Variants in TRERF1 observed in about 807,000 individuals in gnomAD.
The protein encoded by TRERF1 is transcriptional-regulating factor 1.
A neutral mutation model predicts 122.9 loss-of-function variants in TRERF1; 27 were observed. That is an observed-to-expected ratio of 0.22 (90% CI 0.16 to 0.30). TRERF1 has a LOEUF of 0.30. Ranked by LOEUF, TRERF1 falls within the 10% of genes least tolerant of loss-of-function variation. TRERF1 has a pLI of 1.00. For synonymous variants in TRERF1, 636 were observed against 641.7 expected, an observed-to-expected ratio of 0.99 and a Z score of 0.13; for missense variants, 1,248 against 1,560.3, an observed-to-expected ratio of 0.80 and a Z score of 3.37.
Position 42,259,445 on chromosome 6 carries a change from C to G in TRERF1, c.2163G>C (p.Ser721=). The stretch of plus-strand genomic sequence containing the variant: ...AGATGAGGACATTGCTGAAGAGCCC[C>G]GAGCCCTGGCGCACCGGGCTCAGCA... Residue 721 remains serine, a synonymous_variant, in exon 9 of 18, where the codon TCG becomes TCC. Transcript: ENST00000372922. The surrounding 1 kb of genome is among the most constrained non-coding windows in gnomAD (Gnocchi z 4.9). 6.3e-7 allele frequency: 1 copy of G among 1,599,312 alleles called. No individual in the cohort carries two copies. The highest frequency in any genetic ancestry group is 8.5e-7 in the Non-Finnish European group (1 of 1,176,570).
chr6:42,353,978 T>C (rs1190862798), intron 3 of TRERF1, among the ~76,000 whole-genome samples: 1 of 152,268 alleles, frequency 6.6e-6, no homozygotes, highest in Non-Finnish European at 1.5e-5. Context: ...AATTTTTTTA[T>C]GTTTGATTGT....
Position 42,251,045 on chromosome 6 carries a change from G to T in TRERF1, c.2656+3806C>A, listed in dbSNP as rs566300083. Reference sequence around the variant, plus strand: ...AGGGTCTCACTCTGTCGCCCAGGTTGGAGTGCAGTGGCGTGATCTCAGCTC... The same window carrying T: ...AGGGTCTCACTCTGTCGCCCAGGTTTGAGTGCAGTGGCGTGATCTCAGCTC... On this transcript the variant is annotated intron_variant, in intron 13 of 17. Coordinates refer to ENST00000372922, the Ensembl canonical transcript of TRERF1. Among the ~76,000 whole-genome samples, 4 of 126,484 alleles carry T rather than the reference G, an allele frequency of 3.2e-5. No homozygotes were observed. In the East Asian group the frequency reaches 9.5e-4, roughly 30 times the overall value. The allele number at this position is 126,484 out of a possible 152,430, so 83.0% of individuals were successfully genotyped here. A position where few individuals can be genotyped will look rare whatever the true frequency, so the allele number is the denominator to read the frequency against.
At chr6:42,249,894 T>G (rs1017173429) in intron 13 of TRERF1, among the ~76,000 whole-genome samples, 3 of 152,224 alleles carry the variant, frequency 2.0e-5, no homozygotes, top group Non-Finnish European at 4.4e-5. Flanking sequence ...GGTGGCTTCC[T>G]GATCACAAGA....
intron 3 of TRERF1, among the ~76,000 whole-genome samples, chr6:42,337,598 A>T (rs903181590): frequency 6.6e-6 from 1 of 152,176 alleles, no homozygotes; most frequent in Non-Finnish European, 1.5e-5. Flanking sequence ...GTGAGAGCTC[A>T]GTGGAGGGGA....
chr6:42,393,344 T>G lies in TRERF1; in HGVS notation c.-453-30265A>C, dbSNP rs1234410994. 1.3e-5 allele frequency among the ~76,000 whole-genome samples: 2 copies of G among 152,224 alleles called. No individual in the cohort carries two copies. Among genetic ancestry groups the G allele is most frequent in the East Asian group, 3.8e-4 (2 of 5,198 alleles). ...CTGTCATTCTGCAAGTGAGTGACAT[T>G]GTCAGGGCTTGAACCAGTATCTTCT... On this transcript the variant is annotated intron_variant, in intron 2 of 17. Coordinates refer to ENST00000372922, the Ensembl canonical transcript of TRERF1. The surrounding 1 kb of genome is among the most constrained non-coding windows in gnomAD (Gnocchi z 4.1).
intron 3 of TRERF1, among the ~76,000 whole-genome samples, chr6:42,343,917 G>A (rs75870380): frequency 0.011 from 1,667 of 152,338 alleles, 26 homozygotes; most frequent in African/African-American, 0.038. Flanking sequence ...AACTGACCGC[G>A]TGGGGAGGCC....
chr6:42,434,536 A>G (rs1784957490), intron 2 of TRERF1, among the ~76,000 whole-genome samples: 1 of 151,746 alleles, frequency 6.6e-6, no homozygotes, highest in African/African-American at 2.4e-5. Context: ...AACAAGCCCA[A>G]ATCTCCCAAA....
intron 2 of TRERF1, among the ~76,000 whole-genome samples, chr6:42,411,611 G>A (rs1306142047): frequency 4.6e-5 from 7 of 152,218 alleles, no homozygotes; most frequent in African/African-American, 7.2e-5. Context: ...CTGAGTCTCC[G>A]TTTCCTCAGA....
chr6:42,349,961 G>C (rs1769090683), intron 3 of TRERF1, among the ~76,000 whole-genome samples: 1 of 152,108 alleles, frequency 6.6e-6, no homozygotes, highest in African/African-American at 2.4e-5. Flanking sequence ...ATTAAAAGTG[G>C]TGCAGTATTT....
intron 13 of TRERF1, among the ~76,000 whole-genome samples, chr6:42,250,116 G>T (rs57532326): frequency 6.6e-6 from 1 of 152,330 alleles, no homozygotes; most frequent in East Asian, 1.9e-4. Context: ...TAACTTCTCT[G>T]AGTCTCAGTT....
chr6:42,359,153 A>C (rs944713895), intron 3 of TRERF1, among the ~76,000 whole-genome samples: 5 of 152,172 alleles, frequency 3.3e-5, no homozygotes, highest in Non-Finnish European at 5.9e-5. Flanking sequence ...CCGCACCGTT[A>C]ATCTGGGAAC....
chr6:42,428,365 C>T (rs189578943), intron 2 of TRERF1, among the ~76,000 whole-genome samples: 86 of 152,272 alleles, frequency 5.6e-4, no homozygotes, highest in Middle Eastern at 3.4e-3. Flanking sequence ...CTTTTTGAAG[C>T]TCATTATGGC....
In TRERF1 at chr6:42,268,382, C is replaced by T. The variant is rs751832964; in HGVS notation, c.1209G>A (p.Glu403=). Residue 403 remains glutamate, a synonymous_variant, in exon 5 of 18, where the codon GAG becomes GAA. Coordinates refer to ENST00000372922, the Ensembl canonical transcript of TRERF1. This position sits in a 1 kb window ranked among gnomAD's most constrained non-coding sequence, Gnocchi z 4.4. ...TAGAGTAGGTCTTCAGCTGACTGTC[C>T]TCACGCTGCTGGTGCTGGGACAGGT... 6.5e-7 allele frequency: 1 copy of T among 1,539,674 alleles called. No individual in the cohort carries two copies. The highest frequency in any genetic ancestry group is 8.7e-7 in the Non-Finnish European group (1 of 1,144,652).
intron 3 of TRERF1, among the ~76,000 whole-genome samples, chr6:42,337,000 G>T (rs138400213): frequency 1.1e-4 from 16 of 152,330 alleles, no homozygotes; most frequent in Non-Finnish European, 2.4e-4. Context: ...GCTGCGGGGG[G>T]CAGGGGGTGC....
intron 3 of TRERF1, among the ~76,000 whole-genome samples, chr6:42,346,147 T>G (rs1488780919): frequency 2.0e-5 from 3 of 152,242 alleles, no homozygotes; most frequent in Non-Finnish European, 4.4e-5. Flanking sequence ...GGTGGGCTCA[T>G]GCTCAGGCTG....
At chr6:42,325,888 C>G (rs1017897533) in intron 3 of TRERF1, among the ~76,000 whole-genome samples, 6 of 152,146 alleles carry the variant, frequency 3.9e-5, no homozygotes, top group African/African-American at 7.2e-5. Flanking sequence ...TTCACAGCAA[C>G]ATGGATGTAG....
At chr6:42,327,462 G>A (rs1764490539) in intron 3 of TRERF1, among the ~76,000 whole-genome samples, 1 of 152,140 alleles carries the variant, frequency 6.6e-6, no homozygotes, top group Non-Finnish European at 1.5e-5. Context: ...CAAAGATGAT[G>A]ACTTCTGTAT....
At chr6:42,238,081 G>T (rs1772675645) in intron 15 of TRERF1, among the ~76,000 whole-genome samples, 1 of 152,122 alleles carries the variant, frequency 6.6e-6, no homozygotes, top group East Asian at 1.9e-4. Flanking sequence ...TTTCACTTAG[G>T]TGGTCTTATT....
intron 15 of TRERF1, among the ~76,000 whole-genome samples, chr6:42,236,620 G>GT (rs1206979287): frequency 6.6e-6 from 1 of 152,216 alleles, no homozygotes; most frequent in Non-Finnish European, 1.5e-5. Flanking sequence ...GGTCAAGGAA[G>GT]TAAGTCCCCT....
Sources: allele counts gnomAD v4.1 joint callset (sites outside exome capture counted in the v4.1 genomes callset), GRCh38; gene constraint gnomAD v4.1.1; non-coding constraint Gnocchi (gnomAD v3.1); transcripts MANE v1.5; gene names NCBI Gene and HGNC (gene_info 2026-07-23, HGNC 2026-07-21).